The following FAM117A variants were observed in gnomAD, a reference collection of about 807,000 sequenced individuals.
FAM117A encodes protein FAM117A.
A neutral mutation model predicts 44.1 loss-of-function variants in FAM117A; 21 were observed. The ratio of observed to expected loss-of-function variants is 0.48; its 90% CI spans 0.34 to 0.69. The LOEUF is 0.69. FAM117A is among the 30% of genes least tolerant of loss of function. The probability of loss-of-function intolerance (pLI) is 0.01; values close to 1 mark genes in which losing one functional copy is unlikely to be tolerated. For missense variants in FAM117A, 498 were observed against 589.9 expected (o/e 0.84, Z 1.61); for synonymous variants, 220 against 238.3 (o/e 0.92, Z 0.71).
chr17:49,760,778 C>A (rs984022812), intron 1 of FAM117A, among the ~76,000 whole-genome samples: 4 of 152,158 alleles, frequency 2.6e-5, no homozygotes, highest in African/African-American at 7.2e-5. Context: ...TCATCATGGT[C>A]CTGGAAGAGT....
At chr17:49,756,173 C>CT (rs886378496) in intron 1 of FAM117A, among the ~76,000 whole-genome samples, 52 of 151,644 alleles carry the variant, frequency 3.4e-4, no homozygotes, top group African/African-American at 1.0e-3. Context: ...TATATTGACA[C>CT]TTTTTTTTTA....
chr17:49,717,444 G>T, intron 6 of FAM117A, 69 bp downstream of exon 6: 1 of 1,389,680 alleles, frequency 7.2e-7, no homozygotes, highest in Non-Finnish European at 1.0e-6. Context: ...TTGACTAGAG[G>T]TGGAAAAGGG....
At chr17:49,719,670 A>T in intron 5 of FAM117A, 90 bp downstream of exon 5, 2 of 1,422,748 alleles carry the variant, frequency 1.4e-6, no homozygotes, top group Non-Finnish European at 1.9e-6. Context: ...ATAGCCTGTG[A>T]GGCCCCAGAG....
intron 5 of FAM117A, among the ~76,000 whole-genome samples, chr17:49,718,697 C>A (rs569213396): frequency 6.8e-6 from 1 of 147,832 alleles, no homozygotes; most frequent in South Asian, 2.2e-4. Flanking sequence ...AAAAAATGTG[C>A]CTGAGACCAG....
intron 7 of FAM117A, 96 bp downstream of exon 7, chr17:49,716,069 A>C: frequency 2.2e-6 from 3 of 1,386,634 alleles, no homozygotes; most frequent in Non-Finnish European, 3.0e-6. Flanking sequence ...TAAAGTTGAC[A>C]ACACCTCTAT....
upstream of FAM117A, among the ~76,000 whole-genome samples, chr17:49,766,434 C>T (rs952256511): frequency 1.3e-5 from 2 of 152,148 alleles, no homozygotes; most frequent in Non-Finnish European, 2.9e-5. Flanking sequence ...AGGTTAAGTC[C>T]TACAGAGGCT....
chr17:49,774,046 G>A (rs927249931), intron 1 of FAM117A, among the ~76,000 whole-genome samples: 1 of 152,198 alleles, frequency 6.6e-6, no homozygotes, highest in Non-Finnish European at 1.5e-5. Context: ...GAGCCACTGC[G>A]CCTAGCCTTA....
chr17:49,717,645 G>A lies in FAM117A; in HGVS notation c.778C>T (p.Leu260Phe). The change falls in exon 6 of 8, where the codon CTC (leucine) becomes TTC (phenylalanine). Residue 260 changes from leucine (L) to phenylalanine (F), a missense_variant. Around this residue, in one of 3 missense-constraint regions of FAM117A, gnomAD observed 224 missense variants for 296.5 expected, o/e 0.76. Transcript: ENST00000240364. ...PQSGSCDHPL[L>F]LLEPGNLASS... ...GCAAGGTTGCCAGGCTCCAGGAGGA[G>A]GAGGGGATGATCACAGCTGCCACTC... 2 of 1,614,146 alleles carry A rather than the reference G, an allele frequency of 1.2e-6. No individual in the cohort carries two copies. Among genetic ancestry groups the A allele is most frequent in the Non-Finnish European group, 1.7e-6 (2 of 1,179,982 alleles).
intron 1 of FAM117A, among the ~76,000 whole-genome samples, chr17:49,762,681 A>T (rs1255930157): frequency 6.6e-6 from 1 of 152,230 alleles, no homozygotes; most frequent in African/African-American, 2.4e-5. Context: ...GAATGTCATT[A>T]ACCGTTAAGA....
chr17:49,712,235 T>TA (rs2073482296), intron 7 of FAM117A, among the ~76,000 whole-genome samples: 1 of 152,210 alleles, frequency 6.6e-6, no homozygotes. Flanking sequence ...GCCAAGTGAC[T>TA]AAAGTGGGGT....
chr17:49,750,414 C>A lies in FAM117A; in HGVS notation c.196+13478G>T, dbSNP rs377200178. Among the ~76,000 whole-genome samples, 4 of 149,146 alleles carry A rather than the reference C, an allele frequency of 2.7e-5. 2 individuals are homozygous for A. In the South Asian group the frequency reaches 8.4e-4, roughly 31 times the overall value. On this transcript the variant is annotated intron_variant, in intron 1 of 7. Transcript: ENST00000240364. ...GGCATGCTATTTGGTGATGGTTCCA[C>A]AGCTCTGTTCCTTTTTCTTTGCCAA... is the stretch of plus-strand genomic sequence containing the variant.
chr17:49,717,501 T>A lies in FAM117A; in HGVS notation c.910+12A>T. 1 of 1,613,078 alleles carries A rather than the reference T, an allele frequency of 6.2e-7. No homozygotes were observed. Among genetic ancestry groups the A allele is most frequent in the Non-Finnish European group, 8.5e-7 (1 of 1,179,616 alleles). ...CAGAGTCAGCCCTGCTGCCTCAGCC[T>A]TCGCGGCTTACCTTTGTCGTTGGGG... On this transcript the variant is annotated intron_variant, in intron 6 of 7. Coordinates refer to ENST00000240364, the MANE Select transcript of FAM117A (RefSeq NM_030802.4).
chr17:49,743,683 C>G (rs961610637), intron 1 of FAM117A, among the ~76,000 whole-genome samples: 1 of 151,788 alleles, frequency 6.6e-6, no homozygotes, highest in South Asian at 2.1e-4. Flanking sequence ...GAGCCGAGAT[C>G]GTGCCACTGC....
intron 2 of FAM117A, among the ~76,000 whole-genome samples, chr17:49,731,744 T>C (rs1336091325): frequency 6.6e-6 from 1 of 152,206 alleles, no homozygotes; most frequent in East Asian, 1.9e-4. Flanking sequence ...CTCAATAGAA[T>C]GTTGGCCTTG....
At chr17:49,788,811 A>G, upstream of FAM117A, 7 of 1,579,658 alleles carry the variant, frequency 4.4e-6, no homozygotes, top group Non-Finnish European at 6.0e-6. Context: ...CCGAATCGGA[A>G]CCGTCGGGCC....
chr17:49,761,407 A>C (rs1412857889), intron 1 of FAM117A, among the ~76,000 whole-genome samples: 1 of 152,236 alleles, frequency 6.6e-6, no homozygotes, highest in East Asian at 1.9e-4. Flanking sequence ...GAGCAGAGGG[A>C]ATAATAATAT....
Position 49,720,376 on chromosome 17 carries a change from CCTT to C in FAM117A, c.520_522del (p.Lys174del). 1 of 1,613,922 alleles carries C rather than the reference CCTT, an allele frequency of 6.2e-7. No homozygotes were observed. The highest frequency in any genetic ancestry group is 8.5e-7 in the Non-Finnish European group (1 of 1,180,022). On this transcript the variant is annotated inframe_deletion, in exon 4 of 8. Transcript: ENST00000240364. The stretch of plus-strand genomic sequence containing the variant: ...TCCCCTAGGAGTGGTGAACCTCGCT[CCTT>C]CTCTTTCCCACTGCGGCTCAGCTTC...
intron 1 of FAM117A, among the ~76,000 whole-genome samples, chr17:49,777,570 G>C (rs1027064909): frequency 2.0e-5 from 3 of 151,946 alleles, no homozygotes; most frequent in African/African-American, 4.8e-5. Context: ...CTTAATAGCT[G>C]TTTTTGGAGG....
chr17:49,758,046 G>A (rs994917431), intron 1 of FAM117A, among the ~76,000 whole-genome samples: 1 of 152,194 alleles, frequency 6.6e-6, no homozygotes, highest in African/African-American at 2.4e-5. Context: ...AAGGGCTCCA[G>A]GGCCAGGTGT....
Sources: gnomAD v4.1 joint callset for allele counts (sites outside exome capture counted in the v4.1 genomes callset) on GRCh38, gnomAD v4.1.1 for gene constraint, gnomAD v4.1.1 regional missense constraint, MANE v1.5 for transcripts, NCBI Gene and HGNC (gene_info 2026-07-23, HGNC 2026-07-21) for gene names.